Variants in IL1RAPL2 observed in about 807,000 individuals in gnomAD.
IL1RAPL2 encodes interleukin 1 receptor accessory protein like 2, also known as X-linked interleukin-1 receptor accessory protein-like 2.
Under a neutral mutation model 44.1 loss-of-function variants are expected in IL1RAPL2, and 3 were observed. The observed-to-expected ratio is 0.07, with a 90% CI of 0.03 to 0.18. The LOEUF (loss-of-function observed/expected upper bound fraction) is 0.18. Ranked by LOEUF, IL1RAPL2 falls within the 10% of genes least tolerant of loss-of-function variation. The pLI, the probability that IL1RAPL2 is intolerant of heterozygous loss-of-function variation, is 1.00. For synonymous variants in IL1RAPL2, 181 were observed against 178.8 expected (o/e 1.01, Z -0.10); for missense variants, 391 against 496.4 (o/e 0.79, Z 2.02).
chrX:105,401,130 C>T (rs2035603795), intron 5 of IL1RAPL2, among the ~76,000 whole-genome samples: 1 of 111,427 alleles, frequency 9.0e-6, no homozygotes, highest in Admixed American at 9.5e-5. Context: ...AGGGTGAAAC[C>T]TTCATAGCCT....
In IL1RAPL2 at chrX:105,665,754, TTG is replaced by T. The variant is rs1306124806; in HGVS notation, c.773-51611_773-51610del. Among the ~76,000 whole-genome samples the T allele has an allele frequency of 1.3e-3, 104 of 81,665 alleles. 1 individual carries two copies. The highest frequency in any genetic ancestry group is 5.0e-3 in the African/African-American group (99 of 19,675). 70.9% of individuals were successfully genotyped at this position (81,665 alleles called of 115,157 possible). A position where few individuals can be genotyped will look rare whatever the true frequency, so the allele number is the denominator to read the frequency against. On this transcript the variant is annotated intron_variant, in intron 6 of 10. Coordinates refer to ENST00000372582, the MANE Select transcript of IL1RAPL2 (RefSeq NM_017416.2). ...TTTTTGTTTTTTTGTTTTTTTTTTTTTGTTGTTGTTGTTGTTGTTGTTTTCCG... is the reference window on the plus strand; with the variant it reads ...TTTTTGTTTTTTTGTTTTTTTTTTTTTTGTTGTTGTTGTTGTTGTTTTCCG...
intron 5 of IL1RAPL2, among the ~76,000 whole-genome samples, chrX:105,479,326 T>C (rs761266036): frequency 3.6e-5 from 4 of 111,955 alleles, no homozygotes; most frequent in African/African-American, 6.5e-5. Context: ...TAGCTGTTTT[T>C]GTTTGTTACC....
At chrX:105,630,263 C>T (rs1324863086) in intron 6 of IL1RAPL2, among the ~76,000 whole-genome samples, 1 of 111,418 alleles carries the variant, frequency 9.0e-6, no homozygotes, top group Non-Finnish European at 1.9e-5. Context: ...CACTTTTATT[C>T]AGTAATATAA....
chrX:104,752,612 A>G (rs1932278385), intron 2 of IL1RAPL2, among the ~76,000 whole-genome samples: 1 of 110,626 alleles, frequency 9.0e-6, no homozygotes, highest in South Asian at 3.9e-4. Context: ...AATATTTAGC[A>G]TTTAGCTAAG....
chrX:105,300,698 G>A (rs149929240), intron 5 of IL1RAPL2, among the ~76,000 whole-genome samples: 1,654 of 110,697 alleles, frequency 0.015, 35 homozygotes, highest in African/African-American at 0.051. Flanking sequence ...TCTGAGCCCC[G>A]ACATCCCCTG....
chrX:105,373,963 A>G (rs1440482658), intron 5 of IL1RAPL2, among the ~76,000 whole-genome samples: 1 of 109,581 alleles, frequency 9.1e-6, no homozygotes, highest in Non-Finnish European at 1.9e-5. Context: ...TACTAAAAAT[A>G]GAAAAATTAG....
intron 2 of IL1RAPL2, among the ~76,000 whole-genome samples, chrX:104,884,538 T>C (rs1923176065): frequency 1.8e-5 from 2 of 108,427 alleles, no homozygotes; most frequent in African/African-American, 6.6e-5. Context: ...TCCTAAGCCA[T>C]TGGGACCAAT....
Position 104,678,690 on chromosome X carries a change from G to A in IL1RAPL2, c.82+19695G>A, listed in dbSNP as rs762742390. On this transcript the variant is annotated intron_variant, in intron 2 of 10. Coordinates refer to ENST00000372582, the MANE Select transcript of IL1RAPL2 (RefSeq NM_017416.2). Reference sequence around the variant, plus strand: ...TAACTACAACTTGGCCAAAGCTGTTGCTACTAATTTCAGTTTACTTAGAAT... The same window carrying A: ...TAACTACAACTTGGCCAAAGCTGTTACTACTAATTTCAGTTTACTTAGAAT... 1.5e-4 allele frequency among the ~76,000 whole-genome samples: 17 copies of A among 111,820 alleles called. No homozygotes were observed. In the South Asian group the frequency reaches 6.4e-3, roughly 42 times the overall value.
At chrX:105,636,313 CT>C (rs1328033268) in intron 6 of IL1RAPL2, among the ~76,000 whole-genome samples, 1 of 111,100 alleles carries the variant, frequency 9.0e-6, no homozygotes, top group Non-Finnish European at 1.9e-5. Flanking sequence ...ACTTATTATA[CT>C]TGGTATATAT....
chrX:104,807,257 T>C (rs1054122818), intron 2 of IL1RAPL2, among the ~76,000 whole-genome samples: 5 of 111,518 alleles, frequency 4.5e-5, no homozygotes, highest in Admixed American at 9.6e-5. Flanking sequence ...AGACTCTGAC[T>C]ACAAATCTAC....
intron 2 of IL1RAPL2, among the ~76,000 whole-genome samples, chrX:104,815,602 G>GT (rs1462551844): frequency 1.8e-5 from 2 of 111,967 alleles, no homozygotes; most frequent in South Asian, 7.4e-4. Flanking sequence ...ATAATTTTAT[G>GT]TTTTTTAATG....
At chrX:105,337,061 G>A (rs1408210273) in intron 5 of IL1RAPL2, among the ~76,000 whole-genome samples, 1 of 111,622 alleles carries the variant, frequency 9.0e-6, no homozygotes, top group Non-Finnish European at 1.9e-5. Flanking sequence ...TCTTTCAACA[G>A]CAGTGTTTAT....
At chrX:104,581,739 T>C (rs1274295803) in intron 1 of IL1RAPL2, among the ~76,000 whole-genome samples, 1 of 111,364 alleles carries the variant, frequency 9.0e-6, no homozygotes, top group East Asian at 2.8e-4. Flanking sequence ...TATACTATAC[T>C]ATTCGCTGGG....
chrX:104,974,992 G>A (rs1204993459), intron 2 of IL1RAPL2, among the ~76,000 whole-genome samples: 1 of 112,051 alleles, frequency 8.9e-6, no homozygotes. Context: ...TCTTGAGATG[G>A]GTAACCCTGC....
intron 2 of IL1RAPL2, among the ~76,000 whole-genome samples, chrX:104,746,019 A>C (rs962842542): frequency 3.6e-5 from 4 of 111,736 alleles, no homozygotes; most frequent in African/African-American, 1.3e-4. Flanking sequence ...CATTTAAGAT[A>C]TTGTAAAAGG....
intron 1 of IL1RAPL2, among the ~76,000 whole-genome samples, chrX:104,624,763 T>C (rs1929466958): frequency 9.0e-6 from 1 of 111,656 alleles, no homozygotes; most frequent in Admixed American, 9.6e-5. Flanking sequence ...AACTGAGAAG[T>C]ATCCATCATT....
chrX:104,596,913 G>T (rs1266239117), intron 1 of IL1RAPL2, among the ~76,000 whole-genome samples: 1 of 111,254 alleles, frequency 9.0e-6, no homozygotes, highest in Non-Finnish European at 1.9e-5. Flanking sequence ...GTGAGAGAGA[G>T]GCAGGAGATG....
intron 5 of IL1RAPL2, among the ~76,000 whole-genome samples, chrX:105,476,376 A>G (rs766263430): frequency 1.8e-5 from 2 of 112,421 alleles, no homozygotes; most frequent in East Asian, 5.6e-4. Flanking sequence ...GACTTAATGA[A>G]GCGAATTATT....
chrX:104,762,647 C>A (rs749012324), intron 2 of IL1RAPL2, among the ~76,000 whole-genome samples: 2 of 112,979 alleles, frequency 1.8e-5, no homozygotes, highest in East Asian at 5.7e-4. Flanking sequence ...GGGCTCCACC[C>A]CTGAAGAAAA....
Sources: allele counts gnomAD v4.1 joint callset (sites outside exome capture counted in the v4.1 genomes callset), GRCh38; gene constraint gnomAD v4.1.1; transcripts MANE v1.5; gene names NCBI Gene and HGNC (gene_info 2026-07-23, HGNC 2026-07-21).